The following DLC1 variants were observed in gnomAD, a reference collection of about 807,000 sequenced individuals.
DLC1 encodes DLC1 Rho GTPase activating protein.
Under a neutral mutation model 140.3 loss-of-function variants are expected in DLC1, and 54 were observed. That is an observed-to-expected ratio of 0.38 (90% confidence interval 0.31 to 0.48). The LOEUF (loss-of-function observed/expected upper bound fraction) is 0.48, where lower values mean the gene tolerates loss of function less well. Ranked by LOEUF, DLC1 falls within the 20% of genes least tolerant of loss-of-function variation. DLC1 has a pLI of 0.96. For missense variants in DLC1, 2,536 were observed against 1,907.0 expected, an observed-to-expected ratio of 1.33 and a Z score of -6.14; for synonymous variants, 986 against 728.1, an observed-to-expected ratio of 1.35 and a Z score of -5.70.
chr8:13,395,795 C>A (rs1010019346), intron 3 of DLC1, among the ~76,000 whole-genome samples: 50 of 151,410 alleles, frequency 3.3e-4, no homozygotes, highest in Middle Eastern at 3.2e-3. Context: ...TAACTCTGAG[C>A]AAATTTCTGA....
At chr8:13,246,474 A>C (rs1488109923) in intron 5 of DLC1, among the ~76,000 whole-genome samples, 1 of 151,922 alleles carries the variant, frequency 6.6e-6, no homozygotes. Context: ...AGATTCACTC[A>C]TGTGGCATTC....
At chr8:13,411,507 C>G (rs545097834) in intron 2 of DLC1, among the ~76,000 whole-genome samples, 101 of 152,240 alleles carry the variant, frequency 6.6e-4, no homozygotes, top group African/African-American at 2.0e-3. Context: ...ATAGAATGTA[C>G]AACACCAATA....
At chr8:13,103,179 T>C (rs1424057949) in intron 7 of DLC1, among the ~76,000 whole-genome samples, 2 of 151,854 alleles carry the variant, frequency 1.3e-5, no homozygotes, top group Admixed American at 6.6e-5. Flanking sequence ...GGCCTGGTGG[T>C]GGGCGCCTGT....
At chr8:13,214,322 T>TA (rs1449327791) in intron 5 of DLC1, 1 of 268,638 alleles carries the variant, frequency 3.7e-6, no homozygotes, top group African/African-American at 2.2e-5. Flanking sequence ...TTAGCATCCT[T>TA]ACATTGTTTC....
chr8:13,241,689 G>A (rs535521253), intron 5 of DLC1, among the ~76,000 whole-genome samples: 3 of 152,154 alleles, frequency 2.0e-5, no homozygotes, highest in Non-Finnish European at 2.9e-5. Flanking sequence ...AAAGGATGCC[G>A]GTTGAGAATG....
At chr8:13,402,151 T>C (rs1271174044) in intron 2 of DLC1, among the ~76,000 whole-genome samples, 1 of 152,210 alleles carries the variant, frequency 6.6e-6, no homozygotes, top group Non-Finnish European at 1.5e-5. Flanking sequence ...TACTTAAAGA[T>C]ATATCCTTAC....
chr8:13,523,163 C>T (rs1272833910), intron 1 of DLC1, among the ~76,000 whole-genome samples: 1 of 152,086 alleles, frequency 6.6e-6, no homozygotes, highest in Non-Finnish European at 1.5e-5. Flanking sequence ...AATTTAGAGC[C>T]AAAGTAGGGA....
At position 13,393,653 on chromosome 8, in the gene DLC1, G is replaced by A. The variant is rs758798458; in HGVS notation, c.1214C>T (p.Ser405Leu). The change falls in exon 4 of 18, where the codon TCA (serine) becomes TTA (leucine). Residue 405 changes from serine (S) to leucine (L), a missense_variant. Ser to Leu is a moderately radical substitution (Grantham distance 145). Transcript: ENST00000276297. ...SGSESGADTI[S>L]VNQTRVNLSS... ...CAAATTTACTCGTGTCTGATTTACT[G>A]AAATGGTATCTGCTCCACTTTCAGA... The A allele has an allele frequency of 3.7e-6, 6 of 1,614,124 alleles. No individual in the cohort carries two copies. Among genetic ancestry groups the A allele is most frequent in the Admixed American group, 3.3e-5 (2 of 60,000 alleles).
intron 1 of DLC1, among the ~76,000 whole-genome samples, chr8:13,534,516 C>T (rs1803204298): frequency 6.6e-6 from 1 of 152,154 alleles, no homozygotes; most frequent in South Asian, 2.1e-4. Flanking sequence ...TGCAGACTCT[C>T]AGCTCCCATA....
rs1344644300 is a variant in DLC1 at position 13,102,994 on chromosome 8, A to C, written c.1503-141T>G. On this transcript the variant is annotated intron_variant, in intron 7 of 17. Transcript: ENST00000276297. ...CCTAATACCTAGAGGAGTATTAGAA[A>C]CTTATTTAAAAAGTGAGTCATTTAA... 3 of 692,112 alleles carry C rather than the reference A, an allele frequency of 4.3e-6. No homozygotes were observed. The African/African-American group carries it at 5.5e-5, about 13-fold the overall frequency. The allele number at this position is 692,112 out of a possible 1,614,324, so 42.9% of individuals were successfully genotyped here.
At chr8:13,544,521 C>A (rs894900143) in intron 1 of DLC1, among the ~76,000 whole-genome samples, 4 of 151,998 alleles carry the variant, frequency 2.6e-5, no homozygotes, top group African/African-American at 9.7e-5. Context: ...GAGCCTACAG[C>A]GTGAGGGGAG....
At chr8:13,114,641 T>C (rs139588964) in intron 6 of DLC1, among the ~76,000 whole-genome samples, 3 of 152,216 alleles carry the variant, frequency 2.0e-5, no homozygotes, top group African/African-American at 7.2e-5. Context: ...GTGGGAAAGA[T>C]ATCTGCAACA....
intron 4 of DLC1, among the ~76,000 whole-genome samples, chr8:13,385,995 A>G (rs985180457): frequency 6.6e-6 from 1 of 152,228 alleles, no homozygotes; most frequent in Non-Finnish European, 1.5e-5. Flanking sequence ...AGTGCTATGA[A>G]TTATACTCTT....
chr8:13,097,837 C>T (rs2584556), intron 10 of DLC1, among the ~76,000 whole-genome samples: 1 of 152,000 alleles, frequency 6.6e-6, no homozygotes, highest in Admixed American at 6.6e-5. Context: ...CCCACCCACG[C>T]TGATAATTTC....
chr8:13,344,933 A>G (rs577630244), intron 4 of DLC1, among the ~76,000 whole-genome samples: 3 of 152,346 alleles, frequency 2.0e-5, no homozygotes, highest in Admixed American at 6.5e-5. Context: ...TTGTTTGATT[A>G]TTTAATCAAA....
intron 5 of DLC1, among the ~76,000 whole-genome samples, chr8:13,300,383 C>T (rs910653085): frequency 3.9e-5 from 6 of 152,116 alleles, no homozygotes; most frequent in South Asian, 4.1e-4. Flanking sequence ...CCATGACACA[C>T]GTTTACCTAC....
intron 5 of DLC1, among the ~76,000 whole-genome samples, chr8:13,151,316 A>C (rs569963120): frequency 6.6e-6 from 1 of 152,248 alleles, no homozygotes; most frequent in African/African-American, 2.4e-5. Flanking sequence ...CTATGTATGC[A>C]CTTTTGAAGT....
Position 13,453,530 on chromosome 8 carries a change from A to G in DLC1, c.1023+45519T>C, listed in dbSNP as rs1327796608. On this transcript the variant is annotated intron_variant, in intron 2 of 17. Coordinates refer to ENST00000276297, the MANE Select transcript of DLC1 (RefSeq NM_182643.3). ...TATATATATACATATATATATATGT[A>G]TATATATACATATATATATATATAT... 1.3e-3 allele frequency among the ~76,000 whole-genome samples: 63 copies of G among 49,304 alleles called. 2 individuals carry two copies. In the Admixed American group the frequency reaches 0.014, roughly 11 times the overall value. 32.3% of individuals were successfully genotyped at this position (49,304 alleles called of 152,430 possible).
rs560634000 is a variant in DLC1 at position 13,303,113 on chromosome 8, A to C, written c.1348+2156T>G. On this transcript the variant is annotated intron_variant, in intron 5 of 17. Transcript: ENST00000276297. ...AAAATCCTTTATTTCTTAAATGATCAAATGAAATTACATTTTCTCCTAAAT... is the reference window on the plus strand; with the variant it reads ...AAAATCCTTTATTTCTTAAATGATCCAATGAAATTACATTTTCTCCTAAAT... Among the ~76,000 whole-genome samples, 35 of 152,350 alleles carry C rather than the reference A, an allele frequency of 2.3e-4. No homozygotes were observed. In the South Asian group the frequency reaches 4.1e-3, roughly 18 times the overall value.
Sources: gnomAD v4.1 joint callset for allele counts (sites outside exome capture counted in the v4.1 genomes callset) on GRCh38, gnomAD v4.1.1 for gene constraint, MANE v1.5 for transcripts, NCBI Gene and HGNC (gene_info 2026-07-23, HGNC 2026-07-21) for gene names.